The following ARHGEF4 variants were observed in gnomAD, a reference collection of about 807,000 sequenced individuals.
The protein encoded by ARHGEF4 is APC-stimulated guanine nucleotide exchange factor 1.
Under a neutral mutation model 162.0 loss-of-function variants are expected in ARHGEF4, and 119 were observed. The observed-to-expected ratio is 0.73, with a 90% CI of 0.63 to 0.86. The LOEUF is 0.86. Ranked by LOEUF, ARHGEF4 falls within the 40% of genes least tolerant of loss-of-function variation. The pLI is 0.00. For synonymous variants in ARHGEF4, 1,014 were observed against 979.9 expected (o/e 1.03, Z -0.65); for missense variants, 2,488 against 2,456.0 (o/e 1.01, Z -0.28).
At chr2:131,039,680 C>T in intron 6 of ARHGEF4, 1 of 1,230,688 alleles carries the variant, frequency 8.1e-7, no homozygotes, top group Non-Finnish European at 1.0e-6. Context: ...CCACCCATCC[C>T]CCTGCTTCTG....
At chr2:131,029,391 C>T (rs922245528) in intron 5 of ARHGEF4, among the ~76,000 whole-genome samples, 2 of 152,124 alleles carry the variant, frequency 1.3e-5, no homozygotes, top group Admixed American at 1.3e-4. Flanking sequence ...TTAAATAATG[C>T]GCTACTCAAA....
chr2:130,885,384 G>T (rs889805458), intron 1 of ARHGEF4, among the ~76,000 whole-genome samples: 4 of 150,620 alleles, frequency 2.7e-5, no homozygotes, highest in African/African-American at 9.8e-5. Flanking sequence ...GTGAGCCACC[G>T]CGCCCGGCCT....
chr2:131,031,041 T>C (rs1362558956), intron 5 of ARHGEF4, among the ~76,000 whole-genome samples: 1 of 152,226 alleles, frequency 6.6e-6, no homozygotes, highest in Non-Finnish European at 1.5e-5. Flanking sequence ...CCTTACTAAA[T>C]AATATTTGGC....
chr2:130,926,048 C>CTTTCTTTCTTTCTTTCTTTCTCTT lies in ARHGEF4; in HGVS notation c.3553-4903_3553-4902insTTCTTTCTTTCTTTCTTTCTCTTT. On this transcript the variant is annotated intron_variant, in intron 2 of 13. Transcript: ENST00000409359. ...TCTTTCTTTCTTTCTTTCTTTCTTT[C>CTTTCTTTCTTTCTTTCTTTCTCTT]TCTTTCTTTCTTTCTTTCTTTCTTT... Among the ~76,000 whole-genome samples, 27 of 53,456 alleles carry CTTTCTTTCTTTCTTTCTTTCTCTT rather than the reference C, an allele frequency of 5.1e-4. 1 individual carries two copies. Among genetic ancestry groups the CTTTCTTTCTTTCTTTCTTTCTCTT allele is most frequent in the East Asian group, 5.0e-3 (5 of 1,008 alleles). The allele number at this position is 53,456 out of a possible 152,430, so 35.1% of individuals were successfully genotyped here. A position where few individuals can be genotyped will look rare whatever the true frequency, so the allele number is the denominator to read the frequency against.
chr2:130,963,084 AAAAT>A (rs1684732094), intron 4 of ARHGEF4, among the ~76,000 whole-genome samples: 1 of 152,166 alleles, frequency 6.6e-6, no homozygotes, highest in Admixed American at 6.5e-5. Flanking sequence ...CACTCCGAAA[AAAAT>A]AAAACTCCTG....
chr2:130,915,788 G>T lies in ARHGEF4; in HGVS notation c.1842G>T (p.Arg614=). 6.6e-7 allele frequency: 1 copy of T among 1,524,610 alleles called. No individual in the cohort carries two copies. 94.4% of individuals were successfully genotyped at this position (1,524,610 alleles called of 1,614,324 possible). The stretch of plus-strand genomic sequence containing the variant: ...AGGGGCCTGGGGGTGCCGGGGGCCG[G>T]CAGCTGGAGCCCAAAGCAGGCGGCG... ...GEQGPGGAGG[R]QLEPKAGGEA... Residue 614 remains arginine (R), a synonymous_variant, in exon 2 of 14, where the codon CGG becomes CGT. Coordinates refer to ENST00000409359, the MANE Select transcript of ARHGEF4 (RefSeq NM_001367493.1).
chr2:130,969,858 C>T (rs939176354), intron 4 of ARHGEF4, among the ~76,000 whole-genome samples: 1 of 152,172 alleles, frequency 6.6e-6, no homozygotes, highest in African/African-American at 2.4e-5. Flanking sequence ...GGATTTGTCT[C>T]TTCCATGATG....
chr2:130,864,628 G>C (rs1230329963), intron 1 of ARHGEF4, among the ~76,000 whole-genome samples: 1 of 152,158 alleles, frequency 6.6e-6, no homozygotes, highest in African/African-American at 2.4e-5. Context: ...GGAAACTGAG[G>C]CAGGACAATT....
chr2:130,886,852 T>A (rs572655279), intron 1 of ARHGEF4, among the ~76,000 whole-genome samples: 1 of 151,848 alleles, frequency 6.6e-6, no homozygotes, highest in East Asian at 1.9e-4. Context: ...TTTTTTTTTG[T>A]AGATGGATAT....
Position 130,909,813 on chromosome 2 carries a change from G to A in ARHGEF4, c.40-4173G>A, listed in dbSNP as rs557308416. On this transcript the variant is annotated intron_variant, in intron 1 of 13. Coordinates refer to ENST00000409359, the MANE Select transcript of ARHGEF4 (RefSeq NM_001367493.1). ...CCAGAACTTCTGATTCCAGAATCAC[G>A]GCCCACTACACATTTCCCGAAAAGC... Among the ~76,000 whole-genome samples, 304 of 152,018 alleles carry A rather than the reference G, an allele frequency of 2.0e-3. 2 individuals carry two copies. The highest frequency in any genetic ancestry group is 3.6e-3 in the Non-Finnish European group (245 of 68,032).
At chr2:130,893,137 G>A (rs542533984) in intron 1 of ARHGEF4, among the ~76,000 whole-genome samples, 1 of 152,304 alleles carries the variant, frequency 6.6e-6, no homozygotes, top group Admixed American at 6.5e-5. Context: ...GTGGTTTCAC[G>A]CTAGGTTTCT....
intron 1 of ARHGEF4, among the ~76,000 whole-genome samples, chr2:130,907,393 AT>A (rs1680892084): frequency 6.6e-6 from 1 of 150,678 alleles, no homozygotes; most frequent in African/African-American, 2.4e-5. Flanking sequence ...ATTTTTTTGT[AT>A]TTTTTAGTAG....
chr2:130,950,689 C>A (rs188450159), intron 4 of ARHGEF4, among the ~76,000 whole-genome samples: 22 of 146,164 alleles, frequency 1.5e-4, no homozygotes, highest in East Asian at 4.4e-4. Context: ...AGCTATTACC[C>A]CCCACCACCA....
At chr2:130,896,863 A>G (rs1446174447) in intron 1 of ARHGEF4, among the ~76,000 whole-genome samples, 2 of 152,094 alleles carry the variant, frequency 1.3e-5, no homozygotes, top group Admixed American at 6.5e-5. Flanking sequence ...GGGGCTCTCC[A>G]ATGGTTTTAT....
At chr2:130,902,559 A>C (rs1680546641) in intron 1 of ARHGEF4, among the ~76,000 whole-genome samples, 2 of 151,820 alleles carry the variant, frequency 1.3e-5, no homozygotes, top group African/African-American at 2.4e-5. Flanking sequence ...GCGCCACTGC[A>C]CTCCAGCCTG....
intron 1 of ARHGEF4, among the ~76,000 whole-genome samples, chr2:130,897,531 G>A (rs1680234378): frequency 6.6e-6 from 1 of 152,240 alleles, no homozygotes; most frequent in South Asian, 2.1e-4. Flanking sequence ...AGCAGCGTGA[G>A]GGCCACAAGC....
At chr2:130,984,464 G>T (rs2105261233) in intron 4 of ARHGEF4, among the ~76,000 whole-genome samples, 1 of 152,304 alleles carries the variant, frequency 6.6e-6, no homozygotes, top group South Asian at 2.1e-4. Context: ...GCCAAGGTGG[G>T]TGGATCACCT....
intron 4 of ARHGEF4, among the ~76,000 whole-genome samples, chr2:130,967,939 A>G (rs1685106639): frequency 6.6e-6 from 1 of 152,152 alleles, no homozygotes; most frequent in Non-Finnish European, 1.5e-5. Context: ...CTGCCTCAAT[A>G]TGTGACACCT....
chr2:131,018,935 A>G (rs989468652), intron 4 of ARHGEF4, among the ~76,000 whole-genome samples: 14 of 152,116 alleles, frequency 9.2e-5, no homozygotes, highest in African/African-American at 3.4e-4. Context: ...ATTCAGTTCT[A>G]TTGGTCTATA....
Sources: gnomAD v4.1 joint callset for allele counts (sites outside exome capture counted in the v4.1 genomes callset) on GRCh38, gnomAD v4.1.1 for gene constraint, MANE v1.5 for transcripts, NCBI Gene and HGNC (gene_info 2026-07-23, HGNC 2026-07-21) for gene names.